Variants in PCGF3 observed in about 807,000 individuals in gnomAD.
PCGF3 encodes the protein polycomb group ring finger 3, also known as polycomb group RING finger protein 3.
Under a neutral mutation model 33.1 loss-of-function variants are expected in PCGF3, and 7 were observed. That is an observed-to-expected ratio of 0.21 (90% CI 0.12 to 0.40). The LOEUF (loss-of-function observed/expected upper bound fraction) is 0.40. Among genes scored for constraint, PCGF3 ranks in the 10% least tolerant of loss-of-function variants. PCGF3 has a pLI of 1.00. For synonymous variants in PCGF3, 153 were observed against 121.3 expected (o/e 1.26, Z -1.72); for missense variants, 211 against 313.3 (o/e 0.67, Z 2.46).
At chr4:733,732 C>G (rs780392365) in exon 4 of PCGF3, 1 of 1,612,258 alleles carries the variant, frequency 6.2e-7, no homozygotes, top group East Asian at 2.2e-5. Flanking sequence ...CATCACCTGC[C>G]GCCTGTGCAG....
chr4:729,049 G>C (rs932239732), intron 1 of PCGF3, among the ~76,000 whole-genome samples: 1 of 139,036 alleles, frequency 7.2e-6, no homozygotes, highest in Non-Finnish European at 1.5e-5. Context: ...ACAGTGAGCC[G>C]AGATTGCACC....
chr4:766,238 A>C, exon 11 of PCGF3: 2 of 610,288 alleles, frequency 3.3e-6, no homozygotes, highest in East Asian at 5.7e-5. Flanking sequence ...TCAACAAGAC[A>C]CTACCAGCAC....
chr4:706,482 GAGGGCCAAGACCCCAGACCAGGC>G (rs1742309572), intron 1 of PCGF3, among the ~76,000 whole-genome samples: 1 of 138,784 alleles, frequency 7.2e-6, no homozygotes, highest in East Asian at 2.2e-4. Context: ...CCAGAACAGG[GAGGGCCAAGACCCCAGACCAGGC>G]AGGACCCCGG....
chr4:741,682 C>T (rs1744097698), intron 6 of PCGF3, among the ~76,000 whole-genome samples: 1 of 152,198 alleles, frequency 6.6e-6, no homozygotes. Flanking sequence ...GCTGGGATGA[C>T]AGGTGTGAGC....
At chr4:749,858 C>T (rs1192849795) in intron 8 of PCGF3, among the ~76,000 whole-genome samples, 1 of 152,078 alleles carries the variant, frequency 6.6e-6, no homozygotes, top group African/African-American at 2.4e-5. Flanking sequence ...GGCTCTCTCA[C>T]CCAACCTGGA....
intron 1 of PCGF3, among the ~76,000 whole-genome samples, chr4:714,454 G>A (rs961416544): frequency 2.0e-5 from 3 of 152,218 alleles, no homozygotes; most frequent in African/African-American, 4.8e-5. Context: ...CCCCCACACC[G>A]CTACAACCCC....
chr4:722,100 C>T (rs1239108501), intron 1 of PCGF3, among the ~76,000 whole-genome samples: 1 of 152,144 alleles, frequency 6.6e-6, no homozygotes, highest in Non-Finnish European at 1.5e-5. Context: ...TGTGTGAGAG[C>T]AGCATCTGTG....
intron 9 of PCGF3, among the ~76,000 whole-genome samples, chr4:764,252 C>T (rs756343604): frequency 6.6e-6 from 1 of 152,192 alleles, no homozygotes; most frequent in Admixed American, 6.5e-5. Context: ...CTGTACCTTC[C>T]TCTCAATTTT....
At chr4:760,569 C>T (rs962465673) in intron 8 of PCGF3, among the ~76,000 whole-genome samples, 3 of 152,352 alleles carry the variant, frequency 2.0e-5, no homozygotes, top group African/African-American at 7.2e-5. Flanking sequence ...TTTCAGTTAA[C>T]CCCCTGTCCA....
At chr4:744,127 A>G (rs1292926790) in intron 7 of PCGF3, among the ~76,000 whole-genome samples, 3 of 152,182 alleles carry the variant, frequency 2.0e-5, no homozygotes, top group Non-Finnish European at 4.4e-5. Context: ...GGTCCCAGGA[A>G]GCACAGCCAT....
In PCGF3 at chr4:721,173, C is replaced by T. The variant is rs191224598; in HGVS notation, c.-189-9457C>T. Among the ~76,000 whole-genome samples, 42 of 152,206 alleles carry T rather than the reference C, an allele frequency of 2.8e-4. No individual in the cohort carries two copies. In the East Asian group the frequency reaches 7.9e-3, roughly 29 times the overall value. On this transcript the variant is annotated intron_variant, in intron 1 of 10. Transcript: ENST00000362003. The surrounding 1 kb of genome is among the most constrained non-coding windows in gnomAD (Gnocchi z 4.1). ...TGTTTGTGAAACCAACCTCACTGCC[C>T]CATTACAACAGTGCGGGCCCTGATT...
At chr4:737,549 C>G in intron 6 of PCGF3, 28 bp downstream of exon 6, 1 of 1,493,938 alleles carries the variant, frequency 6.7e-7, no homozygotes, top group Non-Finnish European at 9.3e-7. Flanking sequence ...TTGCTGATCC[C>G]TGAGGTCCCA....
intron 8 of PCGF3, 102 bp from the exon 9 acceptor site, chr4:761,177 G>GC: frequency 1.1e-6 from 1 of 881,682 alleles, no homozygotes; most frequent in South Asian, 2.7e-5. Context: ...AAAAAGGTCA[G>GC]CAGTCCTAGA....
Position 765,080 on chromosome 4 carries a change from T to G in PCGF3, c.681+16T>G. The G allele has an allele frequency of 6.3e-7, 1 of 1,575,658 alleles. No individual in the cohort carries two copies. Among genetic ancestry groups the G allele is most frequent in the Non-Finnish European group, 8.7e-7 (1 of 1,145,012 alleles). ...GAGATTCAAGGTGAGACACGTGATTTGATTTTCAGAGTCTGCTCTGAATGG... is the reference window on the plus strand; with the variant it reads ...GAGATTCAAGGTGAGACACGTGATTGGATTTTCAGAGTCTGCTCTGAATGG... On this transcript the variant is annotated intron_variant, in intron 10 of 10. Transcript: ENST00000362003.
exon 9 of PCGF3, chr4:761,329 G>T (rs1470972715): frequency 6.2e-7 from 1 of 1,609,496 alleles, no homozygotes; most frequent in Non-Finnish European, 8.5e-7. Flanking sequence ...GGCTGAAGCG[G>T]AAGTGGATCC....
intron 1 of PCGF3, among the ~76,000 whole-genome samples, chr4:706,305 C>A (rs573254903): frequency 1.3e-4 from 19 of 149,330 alleles, no homozygotes; most frequent in African/African-American, 4.7e-4. Context: ...TCGAAGACCC[C>A]AGCCCAGGCA....
chr4:762,195 A>G lies in PCGF3; in HGVS notation c.600+779A>G, dbSNP rs777744738. 4 of 628,902 alleles carry G rather than the reference A, an allele frequency of 6.4e-6. No homozygotes were observed. The African/African-American group carries it at 7.9e-5, about 12-fold the overall frequency. The allele number at this position is 628,902 out of a possible 1,614,324, so 39.0% of individuals were successfully genotyped here. A position where few individuals can be genotyped will look rare whatever the true frequency, so the allele number is the denominator to read the frequency against. On this transcript the variant is annotated intron_variant, in intron 9 of 10. Coordinates refer to ENST00000362003, the Ensembl canonical transcript of PCGF3. The stretch of plus-strand genomic sequence containing the variant: ...TTTGGAAAAGGATCTTTGTAGATAT[A>G]ATTAAATAAAGGATTTTGGGATGAA...
chr4:765,185 G>T (rs1303156758), intron 10 of PCGF3, 121 bp downstream of exon 10: 8 of 683,752 alleles, frequency 1.2e-5, no homozygotes, highest in Non-Finnish European at 1.8e-5. Context: ...TGTAATCCCA[G>T]CACTTTGGGA....
chr4:716,936 C>G (rs1388373449), intron 1 of PCGF3, among the ~76,000 whole-genome samples: 13 of 145,336 alleles, frequency 8.9e-5, no homozygotes, highest in Admixed American at 6.2e-4. Context: ...TGCTGGGACC[C>G]TGTAGACACT....
Sources: allele counts gnomAD v4.1 joint callset (sites outside exome capture counted in the v4.1 genomes callset), GRCh38; gene constraint gnomAD v4.1.1; non-coding constraint Gnocchi (gnomAD v3.1); transcripts MANE v1.5; gene names NCBI Gene and HGNC (gene_info 2026-07-23, HGNC 2026-07-21).